Variants in CDH23 observed in about 807,000 individuals in gnomAD.
CDH23 encodes cadherin related 23.
In CDH23, 189 loss-of-function variants were observed where a neutral mutation model predicts 317.1. That is an observed-to-expected ratio of 0.60 (90% confidence interval 0.53 to 0.67). The LOEUF (loss-of-function observed/expected upper bound fraction) is 0.67. Among genes scored for constraint, CDH23 ranks in the 30% least tolerant of loss-of-function variants. CDH23 has a pLI of 0.00. For synonymous variants in CDH23, 1,839 were observed against 1,876.8 expected (o/e 0.98, Z 0.52); for missense variants, 4,401 against 4,592.4 (o/e 0.96, Z 1.20).
intron 25 of CDH23, among the ~76,000 whole-genome samples, chr10:71,705,441 C>G (rs557390618): frequency 6.6e-6 from 1 of 152,156 alleles, no homozygotes; most frequent in African/African-American, 2.4e-5. Context: ...GAGCAGGGCC[C>G]GGGACCCTCA....
intron 38 of CDH23, among the ~76,000 whole-genome samples, chr10:71,746,743 G>T (rs934662491): frequency 6.6e-5 from 10 of 152,198 alleles, no homozygotes; most frequent in African/African-American, 2.4e-4. Context: ...CACGTGAATT[G>T]CAGCCAACCG....
intron 38 of CDH23, among the ~76,000 whole-genome samples, chr10:71,760,004 T>TATATACACACACAC (rs1840287801): frequency 1.9e-5 from 1 of 53,028 alleles, no homozygotes; most frequent in African/African-American, 6.3e-5. Flanking sequence ...CACACATACA[T>TATATACACACACAC]ATATATACAC....
chr10:71,587,425 G>A (rs1277035688), intron 9 of CDH23, among the ~76,000 whole-genome samples: 1 of 152,196 alleles, frequency 6.6e-6, no homozygotes, highest in Non-Finnish European at 1.5e-5. Context: ...AGACCCTGGG[G>A]ACCAACTGTG....
chr10:71,709,303 A>T lies in CDH23; in HGVS notation c.3220+92A>T, dbSNP rs142546475. ...GAGCTGGCCTTTTGCTAAAGGCTGA[A>T]CTCTGCCCAGATGCCAGTGGAGAAA... On this transcript the variant is annotated intron_variant, in intron 27 of 69. Coordinates refer to ENST00000224721, the MANE Select transcript of CDH23 (RefSeq NM_022124.6). 673 of 1,143,400 alleles carry T rather than the reference A, an allele frequency of 5.9e-4. 5 individuals carry two copies. In the Middle Eastern group the frequency reaches 8.0e-3, roughly 14 times the overall value. The allele number at this position is 1,143,400 out of a possible 1,614,324, so 70.8% of individuals were successfully genotyped here.
intron 9 of CDH23, among the ~76,000 whole-genome samples, chr10:71,604,048 C>G (rs1335892859): frequency 6.6e-6 from 1 of 152,178 alleles, no homozygotes; most frequent in Non-Finnish European, 1.5e-5. Context: ...CTGTGACTGG[C>G]CAGTGGTGTG....
At chr10:71,402,174 A>G (rs1472904074) in intron 1 of CDH23, among the ~76,000 whole-genome samples, 1 of 152,140 alleles carries the variant, frequency 6.6e-6, no homozygotes, top group Non-Finnish European at 1.5e-5. Context: ...CCTCGATAAT[A>G]AATGTTGGCA....
chr10:71,425,232 G>GAGAGAGAGAGAGAGAGA (rs1849006230), intron 1 of CDH23, among the ~76,000 whole-genome samples: 4 of 73,964 alleles, frequency 5.4e-5, no homozygotes, highest in Admixed American at 1.5e-4. Context: ...AGAGAGAGAG[G>GAGAGAGAGAGAGAGAGA]GAGAGAGAGA....
intron 27 of CDH23, among the ~76,000 whole-genome samples, chr10:71,710,859 A>G (rs1032270569): frequency 2.6e-5 from 4 of 152,178 alleles, no homozygotes; most frequent in African/African-American, 9.7e-5. Flanking sequence ...GGAGGCTGTG[A>G]TCAGGTAGGG....
Position 71,807,296 on chromosome 10 carries a change from AGCT to A in CDH23, c.8203_8205del (p.Leu2735del). The A allele has an allele frequency of 1.2e-6, 2 of 1,613,834 alleles. No individual in the cohort carries two copies. Among genetic ancestry groups the A allele is most frequent in the Middle Eastern group, 1.7e-4 (1 of 6,054 alleles). ...CTGCAGAAAGGCAGCCCCCAGTACC[AGCT>A]GCTGACAGTGCCTGAGCACTCACCA... On this transcript the variant is annotated inframe_deletion, in exon 58 of 70. Coordinates refer to ENST00000224721, the MANE Select transcript of CDH23 (RefSeq NM_022124.6).
Position 71,397,213 on chromosome 10 carries a change from A to G in CDH23, c.-111A>G, listed in dbSNP as rs1847556876. The G allele has an allele frequency of 4.1e-6, 1 of 242,656 alleles. No individual in the cohort carries two copies. The highest frequency in any genetic ancestry group is 8.3e-6 in the Non-Finnish European group (1 of 120,996). 15.0% of individuals were successfully genotyped at this position (242,656 alleles called of 1,614,324 possible). A position where few individuals can be genotyped will look rare whatever the true frequency, so the allele number is the denominator to read the frequency against. On this transcript the variant is annotated 5_prime_UTR_variant, in exon 1 of 70. Transcript: ENST00000224721. The surrounding 1 kb of genome is among the most constrained non-coding windows in gnomAD (Gnocchi z 4.8). ...GATGAGCCTTCGCGCCGGCGGGAAG[A>G]CGCGGCGGTGGCCAGGGCCAGAGCA...
intron 31 of CDH23, 55 bp from the exon 32 acceptor site, chr10:71,731,932 G>A: frequency 3.9e-6 from 6 of 1,558,066 alleles, no homozygotes; most frequent in African/African-American, 1.3e-5. Context: ...AGAAGCCACA[G>A]CGCAGCCCCA....
intron 3 of CDH23, among the ~76,000 whole-genome samples, chr10:71,458,023 C>T (rs145498900): frequency 1.6e-3 from 243 of 152,256 alleles, no homozygotes; most frequent in Middle Eastern, 3.4e-3. Context: ...TGCAGCCAAC[C>T]GAGAACACTT....
intron 14 of CDH23, among the ~76,000 whole-genome samples, chr10:71,656,040 A>G (rs1460109578): frequency 6.6e-6 from 1 of 151,856 alleles, no homozygotes; most frequent in Non-Finnish European, 1.5e-5. Context: ...CTCTCTCCAG[A>G]CCTTAGTTTC....
intron 14 of CDH23, among the ~76,000 whole-genome samples, chr10:71,660,167 G>A (rs1187344811): frequency 2.0e-5 from 3 of 151,816 alleles, no homozygotes; most frequent in Admixed American, 6.6e-5. Flanking sequence ...CACCATGTTG[G>A]CCAGGATGGT....
At chr10:71,754,678 T>G (rs1387432368) in intron 38 of CDH23, among the ~76,000 whole-genome samples, 1 of 152,218 alleles carries the variant, frequency 6.6e-6, no homozygotes, top group Non-Finnish European at 1.5e-5. Context: ...TTAACCCCTC[T>G]GTGCCTCCGT....
At chr10:71,771,407 G>A (rs1700100965) in intron 38 of CDH23, among the ~76,000 whole-genome samples, 1 of 152,224 alleles carries the variant, frequency 6.6e-6, no homozygotes, top group African/African-American at 2.4e-5. Flanking sequence ...CTGGCATAAA[G>A]GCTTTGACCT....
At chr10:71,745,145 G>A (rs1340640804) in intron 38 of CDH23, among the ~76,000 whole-genome samples, 1 of 152,216 alleles carries the variant, frequency 6.6e-6, no homozygotes, top group Non-Finnish European at 1.5e-5. Flanking sequence ...TGGAGATACC[G>A]AAATGAAGAA....
chr10:71,474,098 G>T (rs756627702), intron 3 of CDH23, among the ~76,000 whole-genome samples: 1 of 152,134 alleles, frequency 6.6e-6, no homozygotes, highest in Non-Finnish European at 1.5e-5. Context: ...GTTGGTGCCC[G>T]CTCCCTCCCC....
intron 11 of CDH23, among the ~76,000 whole-genome samples, chr10:71,622,599 A>G (rs1037219364): frequency 1.3e-5 from 2 of 152,122 alleles, no homozygotes; most frequent in African/African-American, 4.8e-5. Flanking sequence ...GTTCTTAAAT[A>G]GTTGTTTCAT....
Sources: allele counts gnomAD v4.1 joint callset (sites outside exome capture counted in the v4.1 genomes callset), GRCh38; gene constraint gnomAD v4.1.1; non-coding constraint Gnocchi (gnomAD v3.1); transcripts MANE v1.5; gene names NCBI Gene and HGNC (gene_info 2026-07-23, HGNC 2026-07-21).